PFKFB3: variants seen among roughly 807,000 people sequenced by gnomAD.
PFKFB3 encodes 6-phosphofructo-2-kinase/fructose-2,6-bisphosphatase 3.
Under a neutral mutation model 68.0 loss-of-function variants are expected in PFKFB3, and 33 were observed. The ratio of observed to expected loss-of-function variants is 0.49; its 90% CI spans 0.37 to 0.65. PFKFB3 has a LOEUF of 0.65. PFKFB3 is among the 30% of genes least tolerant of loss of function. PFKFB3 has a pLI of 0.00. For missense variants in PFKFB3, 586 were observed against 712.2 expected, an observed-to-expected ratio of 0.82 and a Z score of 2.02; for synonymous variants, 315 against 288.2, an observed-to-expected ratio of 1.09 and a Z score of -0.94.
chr10:6,168,451 T>G (rs562715219), intron 1 of PFKFB3, among the ~76,000 whole-genome samples: 1 of 152,328 alleles, frequency 6.6e-6, no homozygotes, highest in South Asian at 2.1e-4. Context: ...ATCTCTGTGC[T>G]TCAGTTCCCT....
At chr10:6,291,145 A>G in the PFKFB3 span, among the ~76,000 whole-genome samples, 6 of 152,344 alleles carry the variant, frequency 3.9e-5, no homozygotes, top group South Asian at 1.2e-3. Flanking sequence ...AGGAAGTGCA[A>G]CAAATTACTA....
At position 6,220,002 on chromosome 10, in the gene PFKFB3, CAT is replaced by C. The variant is rs1321210924; in HGVS notation, c.623+311_623+312del. Among the ~76,000 whole-genome samples, 2 of 152,170 alleles carry C rather than the reference CAT, an allele frequency of 1.3e-5. No individual in the cohort carries two copies. Among genetic ancestry groups the C allele is most frequent in the Non-Finnish European group, 2.9e-5 (2 of 68,026 alleles). On this transcript the variant is annotated intron_variant, in intron 7 of 14. Coordinates refer to ENST00000379775, the MANE Select transcript of PFKFB3 (RefSeq NM_004566.4). This position sits in a 1 kb window ranked among gnomAD's most constrained non-coding sequence, Gnocchi z 4.1. ...ACTGTGTAGAAGTACAGGAAGTCAACATAGAGTTGAGCCTGATTTTGCTACTG... is the reference window on the plus strand; with the variant it reads ...ACTGTGTAGAAGTACAGGAAGTCAACAGAGTTGAGCCTGATTTTGCTACTG...
intron 14 of PFKFB3, among the ~76,000 whole-genome samples, chr10:6,226,906 C>T (rs190175472): frequency 6.4e-4 from 98 of 152,234 alleles, no homozygotes; most frequent in African/African-American, 2.4e-3. Context: ...GCCAACATGG[C>T]GAAACCCTGT....
upstream of PFKFB3, among the ~76,000 whole-genome samples, chr10:6,201,366 C>T (rs1315262724): frequency 6.6e-6 from 1 of 151,888 alleles, no homozygotes; most frequent in Non-Finnish European, 1.5e-5. This position sits in a 1 kb window ranked among gnomAD's most constrained non-coding sequence, Gnocchi z 4.1. Flanking sequence ...GCGCGGAAAC[C>T]AGACCGTCAG....
At chr10:6,268,436 C>G in the PFKFB3 span, among the ~76,000 whole-genome samples, 2 of 151,368 alleles carry the variant, frequency 1.3e-5, no homozygotes, top group Non-Finnish European at 2.9e-5. Flanking sequence ...ACCAGCTTGG[C>G]CAACATGGAG....
rs575909866 is a variant in PFKFB3 at position 6,154,175 on chromosome 10, A to G, written c.16+9162A>G. 1.1e-4 allele frequency among the ~76,000 whole-genome samples: 16 copies of G among 151,548 alleles called. No homozygotes were observed. In the East Asian group the frequency reaches 3.1e-3, roughly 29 times the overall value. ...TCAGCACGTCCTCATCTCCCATGGT[A>G]GGGCCTTGTTTGGCCTCTCAGCTGG... is the stretch of plus-strand genomic sequence containing the variant. On this transcript the variant is annotated intron_variant, in intron 1 of 14. Coordinates refer to the PFKFB3 transcript ENST00000379789. The surrounding 1 kb of genome is among the most constrained non-coding windows in gnomAD (Gnocchi z 4.6).
At chr10:6,205,817 A>G (rs1843646394) in intron 1 of PFKFB3, among the ~76,000 whole-genome samples, 1 of 130,644 alleles carries the variant, frequency 7.7e-6, no homozygotes, top group Admixed American at 8.5e-5. Context: ...TTCATTTTTG[A>G]GGTGGAGTCT....
chr10:6,182,111 T>C (rs890724315), intron 1 of PFKFB3, among the ~76,000 whole-genome samples: 1 of 152,016 alleles, frequency 6.6e-6, no homozygotes, highest in African/African-American at 2.4e-5. Context: ...AAGATAAGAG[T>C]TGGAGCTGAG....
chr10:6,193,808 G>A (rs1031872690), intron 1 of PFKFB3, among the ~76,000 whole-genome samples: 1 of 152,080 alleles, frequency 6.6e-6, no homozygotes, highest in Non-Finnish European at 1.5e-5. Context: ...CTTCTTAAGG[G>A]TGGGGGAGAT....
the PFKFB3 span, among the ~76,000 whole-genome samples, chr10:6,313,728 A>G: frequency 3.9e-5 from 6 of 152,208 alleles, no homozygotes; most frequent in Non-Finnish European, 7.3e-5. This position sits in a 1 kb window ranked among gnomAD's most constrained non-coding sequence, Gnocchi z 4.2. Context: ...CAGTGTCTCC[A>G]GTTCCCAGCC....
At chr10:6,204,311 C>T (rs546912556) in intron 1 of PFKFB3, among the ~76,000 whole-genome samples, 242 of 152,380 alleles carry the variant, frequency 1.6e-3, no homozygotes, top group African/African-American at 5.5e-3. Flanking sequence ...CAGGTCAGGT[C>T]GTAGCCTGAG....
At position 6,245,185 on chromosome 10, in the gene PFKFB3, C is replaced by T. The variant is rs371093682; in HGVS notation, c.1516-8993C>T. Among the ~76,000 whole-genome samples, 3 of 150,796 alleles carry T rather than the reference C, an allele frequency of 2.0e-5. No homozygotes were observed. In the East Asian group the frequency reaches 6.0e-4, roughly 30 times the overall value. ...GATCTCAGCTCACTGCAACCTCTGT[C>T]TCCTGAGTTCAAGCAATTCTCCTTC... On this transcript the variant is annotated intron_variant, in intron 14 of 14. Coordinates refer to the PFKFB3 transcript ENST00000640683.
chr10:6,307,568 TCCTCCTTCTCTC>T, the PFKFB3 span, among the ~76,000 whole-genome samples: 1 of 118,900 alleles, frequency 8.4e-6, no homozygotes, highest in African/African-American at 3.0e-5. Flanking sequence ...CTTCCTTCCT[TCCTCCTTCTCTC>T]CCTCCCCCAC....
At chr10:6,291,945 GTTT>G in the PFKFB3 span, among the ~76,000 whole-genome samples, 1,473 of 94,192 alleles carry the variant, frequency 0.016, 8 homozygotes, top group African/African-American at 0.06. Context: ...GAAACCAGTG[GTTT>G]TTTTTTTTTT....
chr10:6,258,253 A>G (rs1846509966), downstream of PFKFB3, among the ~76,000 whole-genome samples: 1 of 152,200 alleles, frequency 6.6e-6, no homozygotes, highest in African/African-American at 2.4e-5. Flanking sequence ...AACAGACCCA[A>G]CTCTTTATTG....
chr10:6,205,317 G>C (rs1002025689), intron 1 of PFKFB3, among the ~76,000 whole-genome samples: 1 of 151,160 alleles, frequency 6.6e-6, no homozygotes, highest in African/African-American at 2.4e-5. Context: ...GTTTCTATTT[G>C]GTATCTTTCC....
intron 1 of PFKFB3, among the ~76,000 whole-genome samples, chr10:6,206,567 T>C (rs1276463989): frequency 1.8e-5 from 1 of 56,794 alleles, no homozygotes; most frequent in Non-Finnish European, 3.4e-5. Flanking sequence ...ACGGGGCGGC[T>C]GGCCGGGCAG....
chr10:6,202,960 G>C lies in PFKFB3; in HGVS notation c.-301G>C. ...CAAGCCGGAGAGGAGGCGAGCAGCA[G>C]GGCCTGGTGGCGAGAGCGCGGCTGT... On this transcript the variant is annotated 5_prime_UTR_variant, in exon 1 of 15. Transcript: ENST00000379775. The C allele has an allele frequency of 7.9e-7, 1 of 1,273,336 alleles. No individual in the cohort carries two copies. The highest frequency in any genetic ancestry group is 1.6e-5 in the African/African-American group (1 of 63,140). 78.9% of individuals were successfully genotyped at this position (1,273,336 alleles called of 1,614,324 possible).
chr10:6,174,112 C>A (rs1026219701), intron 1 of PFKFB3, among the ~76,000 whole-genome samples: 11 of 151,332 alleles, frequency 7.3e-5, no homozygotes, highest in Admixed American at 1.3e-4. Context: ...TTAGTCCTTA[C>A]ACGGTGCTCC....
Sources: allele counts gnomAD v4.1 joint callset (sites outside exome capture counted in the v4.1 genomes callset), GRCh38; gene constraint gnomAD v4.1.1; non-coding constraint Gnocchi (gnomAD v3.1); transcripts MANE v1.5; gene names NCBI Gene and HGNC (gene_info 2026-07-23, HGNC 2026-07-21).